Variants in EXOC4 observed in about 807,000 individuals in gnomAD.
EXOC4 encodes exocyst complex component 4.
EXOC4 carries 71 observed loss-of-function variants against 107.2 expected under a neutral mutation model. That is an observed-to-expected ratio of 0.66 (90% CI 0.55 to 0.81). The LOEUF (loss-of-function observed/expected upper bound fraction) is 0.81, where lower values mean the gene tolerates loss of function less well. EXOC4 is among the 30% of genes least tolerant of loss of function. EXOC4 has a pLI of 0.00. For synonymous variants in EXOC4, 456 were observed against 441.2 expected, an observed-to-expected ratio of 1.03 and a Z score of -0.42; for missense variants, 1,108 against 1,189.6, an observed-to-expected ratio of 0.93 and a Z score of 1.01.
chr7:133,994,756 T>TG (rs1242622744), intron 14 of EXOC4, among the ~76,000 whole-genome samples: 17 of 87,178 alleles, frequency 2.0e-4, no homozygotes, highest in South Asian at 4.3e-4. Context: ...TGTACAAGGT[T>TG]TTGTGTGTGT....
At chr7:133,818,094 A>C (rs1440141515) in intron 11 of EXOC4, among the ~76,000 whole-genome samples, 1 of 152,208 alleles carries the variant, frequency 6.6e-6, no homozygotes, top group Admixed American at 6.5e-5. Flanking sequence ...GTTTCTTAGC[A>C]TCAGAAAAAA....
chr7:133,309,070 G>C (rs945143535), intron 4 of EXOC4, among the ~76,000 whole-genome samples: 3 of 152,156 alleles, frequency 2.0e-5, no homozygotes, highest in African/African-American at 7.2e-5. Flanking sequence ...CTGGGACATA[G>C]ATTGGTGCCA....
chr7:133,428,425 T>G (rs928835746), intron 7 of EXOC4, among the ~76,000 whole-genome samples: 2 of 152,218 alleles, frequency 1.3e-5, no homozygotes, highest in Non-Finnish European at 2.9e-5. Flanking sequence ...CATAAGCATT[T>G]GCCATCAAGC....
chr7:133,439,182 C>CTTTT (rs35280420), intron 7 of EXOC4, among the ~76,000 whole-genome samples: 1,320 of 94,016 alleles, frequency 0.014, 24 homozygotes, highest in East Asian at 0.017. Flanking sequence ...TTCATCAGTT[C>CTTTT]TTTTTTTTTT....
At chr7:134,028,722 A>G (rs1795201849) in intron 17 of EXOC4, among the ~76,000 whole-genome samples, 1 of 152,226 alleles carries the variant, frequency 6.6e-6, no homozygotes, top group Non-Finnish European at 1.5e-5. Flanking sequence ...AGGTTCTTCT[A>G]CTGAGCCCCA....
At chr7:133,819,276 A>C (rs905880342) in intron 11 of EXOC4, among the ~76,000 whole-genome samples, 4 of 41,454 alleles carry the variant, frequency 9.6e-5, no homozygotes, top group African/African-American at 4.2e-4. Context: ...TAAATGGAAT[A>C]CTTTTTTTTT....
intron 10 of EXOC4, among the ~76,000 whole-genome samples, chr7:133,737,571 T>G (rs2151124502): frequency 6.6e-6 from 1 of 152,308 alleles, no homozygotes; most frequent in East Asian, 1.9e-4. Flanking sequence ...GCTTACCGTT[T>G]CTAGTTGTTT....
intron 11 of EXOC4, among the ~76,000 whole-genome samples, chr7:133,875,816 G>A (rs896086489): frequency 6.6e-6 from 1 of 152,160 alleles, no homozygotes; most frequent in Admixed American, 6.5e-5. Flanking sequence ...TCCACAAGCA[G>A]TCTTCATTCA....
At chr7:133,629,617 T>C (rs1041381655) in intron 9 of EXOC4, among the ~76,000 whole-genome samples, 4 of 152,116 alleles carry the variant, frequency 2.6e-5, no homozygotes, top group African/African-American at 9.7e-5. Context: ...CTTGGTTCAC[T>C]GCAGCCTGCA....
chr7:133,456,243 A>G (rs1316548118), intron 7 of EXOC4, among the ~76,000 whole-genome samples: 1 of 152,216 alleles, frequency 6.6e-6, no homozygotes, highest in African/African-American at 2.4e-5. Flanking sequence ...CTGTATTTAT[A>G]GGGATCACCA....
rs949193883 is a variant in EXOC4, at chr7:133,933,646, G to A, written c.2028-4245G>A. On this transcript the variant is annotated intron_variant, in intron 13 of 17. Coordinates refer to ENST00000253861, the MANE Select transcript of EXOC4 (RefSeq NM_021807.4). ...AAAGTGGAAATAATACTGTCCAGTT[G>A]CCAGGCAGCAGCCATTCTGGCTGCG... Among the ~76,000 whole-genome samples the A allele has an allele frequency of 1.3e-5, 2 of 152,184 alleles. 1 individual carries two copies. The highest frequency in any genetic ancestry group is 1.3e-4 in the Admixed American group (2 of 15,278).
chr7:133,765,726 A>G (rs1471671064), intron 10 of EXOC4, among the ~76,000 whole-genome samples: 2 of 152,112 alleles, frequency 1.3e-5, no homozygotes, highest in East Asian at 3.9e-4. Context: ...TAAGGAAGCT[A>G]GCAGACTGAC....
Position 133,957,777 on chromosome 7 carries a change from G to A in EXOC4, c.2206+19708G>A, listed in dbSNP as rs542961679. ...CCCAGTAATATACTCAGAAGGCCTA[G>A]GAAACAAGAATAGTGAAAATAGCTA... On this transcript the variant is annotated intron_variant, in intron 14 of 17. Transcript: ENST00000253861. Among the ~76,000 whole-genome samples the A allele has an allele frequency of 1.2e-4, 19 of 152,270 alleles. No individual in the cohort carries two copies. The East Asian group carries it at 3.5e-3, about 28-fold the overall frequency.
intron 10 of EXOC4, among the ~76,000 whole-genome samples, chr7:133,682,655 C>T (rs1446672209): frequency 6.6e-6 from 1 of 152,174 alleles, no homozygotes; most frequent in Non-Finnish European, 1.5e-5. Flanking sequence ...GCGTGGATGG[C>T]ATTGTGGAGG....
chr7:133,358,718 A>C (rs1279691497), intron 6 of EXOC4, among the ~76,000 whole-genome samples: 4 of 152,180 alleles, frequency 2.6e-5, no homozygotes, highest in African/African-American at 9.6e-5. Context: ...ATGGATTAAT[A>C]ACTTTTCTGC....
intron 7 of EXOC4, among the ~76,000 whole-genome samples, chr7:133,414,117 C>T (rs1797420804): frequency 6.6e-6 from 1 of 152,028 alleles, no homozygotes. Flanking sequence ...TGAAAGAAGT[C>T]ATACAATTCA....
At chr7:133,950,625 G>C (rs1800668265) in intron 14 of EXOC4, among the ~76,000 whole-genome samples, 1 of 152,212 alleles carries the variant, frequency 6.6e-6, no homozygotes, top group Non-Finnish European at 1.5e-5. Flanking sequence ...TAGGGGTACA[G>C]TCTTTCAATA....
intron 7 of EXOC4, among the ~76,000 whole-genome samples, chr7:133,448,891 G>A (rs1485407099): frequency 1.3e-5 from 2 of 152,088 alleles, no homozygotes; most frequent in South Asian, 2.1e-4. Flanking sequence ...GATCACTTGA[G>A]GTCAAGAGTT....
At chr7:133,985,720 A>G (rs545288093) in intron 14 of EXOC4, among the ~76,000 whole-genome samples, 2 of 152,184 alleles carry the variant, frequency 1.3e-5, no homozygotes, top group African/African-American at 4.8e-5. Context: ...AAATTTAGAC[A>G]TTCATCTCTA....
Sources: gnomAD v4.1 joint callset for allele counts (sites outside exome capture counted in the v4.1 genomes callset) on GRCh38, gnomAD v4.1.1 for gene constraint, MANE v1.5 for transcripts, NCBI Gene and HGNC (gene_info 2026-07-23, HGNC 2026-07-21) for gene names.